Variants in CST3 observed in about 807,000 individuals in gnomAD.
CST3 encodes the protein cystatin-C.
Under a neutral mutation model 9.0 loss-of-function variants are expected in CST3, and 14 were observed. The observed-to-expected ratio is 1.56, with a 90% CI of 1.03 to 2.44. The LOEUF is 2.44. Ranked by LOEUF, CST3 falls within the 30% of genes most tolerant of loss-of-function variation. The pLI is 0.00. For synonymous variants in CST3, 96 were observed against 90.2 expected (o/e 1.06, Z -0.37); for missense variants, 237 against 204.3 (o/e 1.16, Z -0.98).
At chr20:23,637,569 G>A in intron 1 of CST3, 51 bp downstream of exon 1, 1 of 1,436,050 alleles carries the variant, frequency 7.0e-7, no homozygotes, top group Non-Finnish European at 9.1e-7. Context: ...CGCGGGGGGA[G>A]GCTGGGACGG....
chr20:23,631,644 C>G (rs1437453262), downstream of CST3, among the ~76,000 whole-genome samples: 1 of 152,198 alleles, frequency 6.6e-6, no homozygotes, highest in Non-Finnish European at 1.5e-5. Context: ...GCCTGACCGT[C>G]CTGGGGAGAG....
At chr20:23,631,566 G>C (rs932181137), downstream of CST3, among the ~76,000 whole-genome samples, 4 of 152,190 alleles carry the variant, frequency 2.6e-5, no homozygotes, top group South Asian at 8.3e-4. Context: ...GCCTCTCTTC[G>C]GCCTCTCAGC....
chr20:23,629,918 G>A (rs1979389921), downstream of CST3, among the ~76,000 whole-genome samples: 2 of 152,182 alleles, frequency 1.3e-5, no homozygotes, highest in South Asian at 2.1e-4. Context: ...CAAAGCTTTG[G>A]TGGAAGGAAT....
intron 1 of CST3, among the ~76,000 whole-genome samples, 163 bp downstream of exon 1, chr20:23,637,457 G>A (rs982865258): frequency 2.0e-5 from 3 of 152,208 alleles, no homozygotes; most frequent in African/African-American, 7.2e-5. Flanking sequence ...GGCATTCCCG[G>A]ACACGCCCGC....
chr20:23,630,323 T>A (rs947467020), downstream of CST3, among the ~76,000 whole-genome samples: 1 of 152,200 alleles, frequency 6.6e-6, no homozygotes, highest in Admixed American at 6.5e-5. Context: ...CCAGCTGATG[T>A]CACAGTGGCC....
At chr20:23,637,171 G>T (rs1226946757) in intron 1 of CST3, among the ~76,000 whole-genome samples, 1 of 152,180 alleles carries the variant, frequency 6.6e-6, no homozygotes, top group Non-Finnish European at 1.5e-5. Flanking sequence ...CTGAAATTAC[G>T]GGAGAATAAA....
rs748094050 is a variant in CST3 at position 23,637,715 on chromosome 20, G to T, written c.148C>A (p.Arg50=). 6.5e-7 allele frequency: 1 copy of T among 1,544,622 alleles called. No homozygotes were observed. The highest frequency in any genetic ancestry group is 8.7e-7 in the Non-Finnish European group (1 of 1,146,082). ...CCGACGGCAAAGTCCAGTGCACGCC[G>T]CACACCCTCCTCCTCCACGCTGGCG... ...MDASVEEEGV[R]RALDFAVGEY... is the part of the protein sequence containing the mutation. Residue 50 remains arginine, a synonymous_variant, in exon 1 of 3, where the codon CGG becomes AGG. Coordinates refer to ENST00000376925, the MANE Select transcript of CST3 (RefSeq NM_000099.4).
At chr20:23,634,965 T>C (rs1979602825) in intron 2 of CST3, among the ~76,000 whole-genome samples, 1 of 151,838 alleles carries the variant, frequency 6.6e-6, no homozygotes, top group South Asian at 2.1e-4. Context: ...TGTGAATGTA[T>C]GTGCACAGAC....
chr20:23,635,160 C>G, intron 2 of CST3, 94 bp downstream of exon 2: 1 of 1,099,606 alleles, frequency 9.1e-7, no homozygotes. Context: ...CACATGCACA[C>G]GTACCCTGCA....
chr20:23,630,733 G>A (rs1463954552), downstream of CST3, among the ~76,000 whole-genome samples: 1 of 148,464 alleles, frequency 6.7e-6, no homozygotes, highest in Non-Finnish European at 1.5e-5. Context: ...AACATCCCAA[G>A]CCTCTAAGTC....
chr20:23,630,984 C>T (rs753176851), downstream of CST3, among the ~76,000 whole-genome samples: 4 of 152,012 alleles, frequency 2.6e-5, no homozygotes, highest in African/African-American at 9.7e-5. Context: ...GCATGGTATT[C>T]TAAAATGAAA....
chr20:23,632,614 G>C (rs1404325024), downstream of CST3, among the ~76,000 whole-genome samples: 1 of 152,176 alleles, frequency 6.6e-6, no homozygotes, highest in Non-Finnish European at 1.5e-5. Context: ...TGGGGTGCTG[G>C]CCTTGGCGCT....
chr20:23,637,837 A>T lies in CST3; in HGVS notation c.26T>A (p.Leu9Gln), dbSNP rs777804660. 1.4e-6 allele frequency: 2 copies of T among 1,426,676 alleles called. No individual in the cohort carries two copies. The highest frequency in any genetic ancestry group is 1.8e-6 in the Non-Finnish European group (2 of 1,094,406). The allele number at this position is 1,426,676 out of a possible 1,614,324, so 88.4% of individuals were successfully genotyped here. A position where few individuals can be genotyped will look rare whatever the true frequency, so the allele number is the denominator to read the frequency against. ...CACGGCCAGGATGGCCAGCAGGAGC[A>T]GCGGGGCGCGCAGGGGCCCGGCCAT... MAGPLRAP[L>Q]LLLAILAVAL... is the part of the protein sequence containing the mutation. Residue 9 changes from leucine (L) to glutamine (Q), a missense_variant, in exon 1 of 3, where the codon CTG becomes CAG. Leu to Gln is a moderately radical substitution (Grantham distance 113). Transcript: ENST00000376925.
At position 23,637,660 on chromosome 20, in the gene CST3, T is replaced by A. The variant is rs1300816648; in HGVS notation, c.203A>T (p.Tyr68Phe). 1 of 1,534,206 alleles carries A rather than the reference T, an allele frequency of 6.5e-7. No homozygotes were observed. The highest frequency in any genetic ancestry group is 8.8e-7 in the Non-Finnish European group (1 of 1,141,162). The change falls in exon 1 of 3, where the codon TAC becomes TTC. Residue 68 changes from tyrosine (Y) to phenylalanine (F), a missense_variant. By Grantham distance (22) the Tyr-to-Phe change is conservative. Transcript: ENST00000376925. ...GEYNKASNDM[Y>F]HSRALQVVRA... is the part of the protein sequence containing the mutation. ...CACCACCTGCAGCGCGCGGCTGTGG[T>A]ACATGTCGTTGCTGGCTTTGTTGTA...
chr20:23,637,581 G>T lies in CST3; in HGVS notation c.243+39C>A, dbSNP rs1027394303. On this transcript the variant is annotated intron_variant, in intron 1 of 2. Transcript: ENST00000376925. Reference sequence around the variant, plus strand: ...CAGCGCGGGGGGAGGCTGGGACGGCGGGGCCGGGGCTTCGGACCCTGCGGG... The same window carrying T: ...CAGCGCGGGGGGAGGCTGGGACGGCTGGGCCGGGGCTTCGGACCCTGCGGG... 8 of 1,460,670 alleles carry T rather than the reference G, an allele frequency of 5.5e-6. No homozygotes were observed. The East Asian group carries it at 8.7e-5, about 16-fold the overall frequency. 90.5% of individuals were successfully genotyped at this position (1,460,670 alleles called of 1,614,324 possible). A position where few individuals can be genotyped will look rare whatever the true frequency, so the allele number is the denominator to read the frequency against.
chr20:23,631,295 T>C (rs538920894), downstream of CST3, among the ~76,000 whole-genome samples: 5 of 152,304 alleles, frequency 3.3e-5, no homozygotes, highest in East Asian at 9.6e-4. Flanking sequence ...GGCGGTCTCC[T>C]GTGGAGACTC....
chr20:23,637,808 G>GGGCCAC lies in CST3; in HGVS notation c.49_54dup (p.Val17_Ala18dup). 1.3e-6 allele frequency: 2 copies of GGGCCAC among 1,482,446 alleles called. No homozygotes were observed. The highest frequency in any genetic ancestry group is 1.8e-6 in the Non-Finnish European group (2 of 1,113,064). 91.8% of individuals were successfully genotyped at this position (1,482,446 alleles called of 1,614,324 possible). On this transcript the variant is annotated inframe_insertion, in exon 1 of 3. Coordinates refer to ENST00000376925, the MANE Select transcript of CST3 (RefSeq NM_000099.4). ...GAGCCGGCCGCGGGGCTCACGGCCAGGGCCACGGCCAGGATGGCCAGCAGG... is the reference window on the plus strand; with the variant it reads ...GAGCCGGCCGCGGGGCTCACGGCCAGGGCCACGGCCACGGCCAGGATGGCCAGCAGG...
Position 23,634,055 on chromosome 20 carries a change from T to C in CST3, c.358-56A>G. ...GTGGGTTACAGTTCAAAGCAGAAGA[T>C]GCCCAGGCACGGGACATCAGAGTGG... On this transcript the variant is annotated intron_variant, in intron 2 of 2. Transcript: ENST00000376925. The C allele has an allele frequency of 2.1e-6, 3 of 1,435,172 alleles. No homozygotes were observed. In the South Asian group the frequency reaches 3.4e-5, roughly 16 times the overall value. The allele number at this position is 1,435,172 out of a possible 1,614,324, so 88.9% of individuals were successfully genotyped here.
chr20:23,631,018 AT>A (rs899441237), downstream of CST3, among the ~76,000 whole-genome samples: 101 of 152,172 alleles, frequency 6.6e-4, no homozygotes, highest in African/African-American at 2.1e-3. Context: ...AACGTTGTCA[AT>A]TTTTTTTCCT....
Sources: allele counts gnomAD v4.1 joint callset (sites outside exome capture counted in the v4.1 genomes callset), GRCh38; gene constraint gnomAD v4.1.1; transcripts MANE v1.5; gene names NCBI Gene and HGNC (gene_info 2026-07-23, HGNC 2026-07-21).